NHSL3: variants seen among roughly 807,000 people sequenced by gnomAD.
The protein encoded by NHSL3 is NHS-like protein 3.
chr1:32,770,931 C>T, the NHSL3 span: 4 of 1,611,276 alleles, frequency 2.5e-6, no homozygotes, highest in Non-Finnish European at 3.4e-6. The surrounding 1 kb of genome is among the most constrained non-coding windows in gnomAD (Gnocchi z 8.3). Flanking sequence ...CCAGTGGATA[C>T]TCGAGCCAAA....
the NHSL3 span, among the ~76,000 whole-genome samples, chr1:32,764,493 A>G: frequency 1.7e-4 from 25 of 146,570 alleles, no homozygotes; most frequent in Admixed American, 6.1e-4. Context: ...TTTGAAATGG[A>G]GTCTTGCTCT....
At chr1:32,763,306 C>T in the NHSL3 span, among the ~76,000 whole-genome samples, 2 of 151,928 alleles carry the variant, frequency 1.3e-5, no homozygotes, top group Non-Finnish European at 2.9e-5. Context: ...AACAGTGTCA[C>T]TACCCAGCTG....
chr1:32,760,421 C>A, the NHSL3 span, among the ~76,000 whole-genome samples: 2 of 152,204 alleles, frequency 1.3e-5, no homozygotes, highest in Admixed American at 6.5e-5. Flanking sequence ...CTCCCCGATT[C>A]TTCCCTTTCC....
the NHSL3 span, among the ~76,000 whole-genome samples, chr1:32,764,492 G>C: frequency 1.3e-5 from 2 of 150,396 alleles, no homozygotes; most frequent in African/African-American, 4.9e-5. Context: ...TTTTGAAATG[G>C]AGTCTTGCTC....
At chr1:32,743,965 C>T in the NHSL3 span, among the ~76,000 whole-genome samples, 4 of 152,184 alleles carry the variant, frequency 2.6e-5, no homozygotes, top group African/African-American at 9.7e-5. Context: ...CCTATTATTG[C>T]AACTGTTTCC....
chr1:32,765,557 G>T, the NHSL3 span: 1 of 1,393,356 alleles, frequency 7.2e-7, no homozygotes, highest in Admixed American at 2.3e-5. Flanking sequence ...CCCATTTAAG[G>T]GGTGGGGTCG....
At chr1:32,756,497 G>C in the NHSL3 span, among the ~76,000 whole-genome samples, 1 of 74,168 alleles carries the variant, frequency 1.3e-5, no homozygotes, top group Admixed American at 2.2e-4. Context: ...ATTTCTACAA[G>C]AAATAAAACA....
the NHSL3 span, chr1:32,774,402 A>C: frequency 1.3e-5 from 2 of 152,182 alleles, no homozygotes; most frequent in African/African-American, 4.8e-5. Flanking sequence ...ATCAATCAAT[A>C]TTCTTCCCTT....
At chr1:32,770,603 C>T in the NHSL3 span, 8 of 1,516,628 alleles carry the variant, frequency 5.3e-6, no homozygotes, top group Non-Finnish European at 7.1e-6. This position sits in a 1 kb window ranked among gnomAD's most constrained non-coding sequence, Gnocchi z 8.3. Flanking sequence ...GCCTCAGACA[C>T]ACTCAGCATT....
the NHSL3 span, among the ~76,000 whole-genome samples, chr1:32,761,882 G>T: frequency 1.3e-5 from 2 of 152,148 alleles, no homozygotes; most frequent in Non-Finnish European, 2.9e-5. Context: ...CCTCCAATTT[G>T]TAGGGATGAT....
At chr1:32,768,280 A>C in the NHSL3 span, among the ~76,000 whole-genome samples, 35 of 151,972 alleles carry the variant, frequency 2.3e-4, 1 homozygote, top group Non-Finnish European at 2.6e-4. Context: ...GTGATGCTGG[A>C]GGGGATCTGT....
At chr1:32,768,249 T>A in the NHSL3 span, 1 of 747,638 alleles carries the variant, frequency 1.3e-6, no homozygotes, top group Non-Finnish European at 2.3e-6. Context: ...TGAGGGCTAG[T>A]TCAGGGTTGC....
the NHSL3 span, among the ~76,000 whole-genome samples, chr1:32,754,337 A>G: frequency 6.6e-6 from 1 of 151,544 alleles, no homozygotes; most frequent in Non-Finnish European, 1.5e-5. Flanking sequence ...ACGGAGACAC[A>G]CGTACACGGT....
At chr1:32,768,895 C>T in the NHSL3 span, 1 of 1,249,456 alleles carries the variant, frequency 8.0e-7, no homozygotes, top group South Asian at 1.5e-5. Flanking sequence ...TCGGGAAACA[C>T]AGTACCCTGT....
the NHSL3 span, chr1:32,772,539 T>C: frequency 1.4e-6 from 2 of 1,459,536 alleles, no homozygotes; most frequent in Non-Finnish European, 1.8e-6. Flanking sequence ...ATCTTTAACT[T>C]TTCTGGTCTG....
chr1:32,752,081 C>T, the NHSL3 span, among the ~76,000 whole-genome samples: 2 of 152,160 alleles, frequency 1.3e-5, no homozygotes, highest in South Asian at 2.1e-4. Flanking sequence ...AGCTGATCTC[C>T]GAGGTCTTTT....
At chr1:32,765,869 G>A in the NHSL3 span, 1 of 1,489,702 alleles carries the variant, frequency 6.7e-7, no homozygotes, top group Non-Finnish European at 9.1e-7. Context: ...GATGCTCGAT[G>A]CCTCCCTTTC....
At chr1:32,742,561 G>T in the NHSL3 span, among the ~76,000 whole-genome samples, 1 of 152,376 alleles carries the variant, frequency 6.6e-6, no homozygotes, top group East Asian at 1.9e-4. Flanking sequence ...TGGCCAATGG[G>T]AGAGACAGGT....
At chr1:32,746,193 T>A in the NHSL3 span, among the ~76,000 whole-genome samples, 3 of 137,292 alleles carry the variant, frequency 2.2e-5, no homozygotes, top group African/African-American at 8.3e-5. Context: ...ATCGCGTCAC[T>A]GCACTCTAGC....
Sources: allele counts gnomAD v4.1 joint callset (sites outside exome capture counted in the v4.1 genomes callset), GRCh38; gene constraint gnomAD v4.1.1; non-coding constraint Gnocchi (gnomAD v3.1); transcripts MANE v1.5; gene names NCBI Gene and HGNC (gene_info 2026-07-23, HGNC 2026-07-21).